The following ARID1B variants were observed in gnomAD, a reference collection of about 807,000 sequenced individuals.
The protein encoded by ARID1B is AT-rich interaction domain 1B.
Under a neutral mutation model 212.3 loss-of-function variants are expected in ARID1B, and 30 were observed. The observed-to-expected ratio is 0.14, with a 90% confidence interval of 0.11 to 0.19. The LOEUF (loss-of-function observed/expected upper bound fraction) is 0.19, where lower values mean the gene tolerates loss of function less well. Ranked by LOEUF, ARID1B falls within the 10% of genes least tolerant of loss-of-function variation. The pLI is 1.00. For synonymous variants in ARID1B, 1,402 were observed against 1,301.7 expected (o/e 1.08, Z -1.66); for missense variants, 2,891 against 3,204.0 (o/e 0.90, Z 2.36).
chr6:157,009,640 G>A (rs1779448348), intron 4 of ARID1B, among the ~76,000 whole-genome samples: 1 of 152,212 alleles, frequency 6.6e-6, no homozygotes, highest in Non-Finnish European at 1.5e-5. Flanking sequence ...GACGCAAAAT[G>A]CTCATCAATT....
chr6:157,039,764 C>T (rs1485098544), intron 4 of ARID1B, among the ~76,000 whole-genome samples: 1 of 93,738 alleles, frequency 1.1e-5, no homozygotes, highest in Non-Finnish European at 2.1e-5. Context: ...TTCCTACCTT[C>T]CTACCTACCT....
chr6:156,838,632 T>C (rs1783671885), intron 2 of ARID1B, among the ~76,000 whole-genome samples: 1 of 151,598 alleles, frequency 6.6e-6, no homozygotes, highest in African/African-American at 2.4e-5. Context: ...AGTTGATGGG[T>C]GCAGCAAACC....
intron 4 of ARID1B, among the ~76,000 whole-genome samples, chr6:157,038,907 A>C (rs1389465921): frequency 6.6e-6 from 1 of 151,200 alleles, no homozygotes; most frequent in East Asian, 1.9e-4. Flanking sequence ...TTGTAGCCTT[A>C]ACTTTTTTTT....
intron 4 of ARID1B, among the ~76,000 whole-genome samples, chr6:156,966,093 G>A (rs1208178443): frequency 6.6e-6 from 1 of 152,034 alleles, no homozygotes; most frequent in Non-Finnish European, 1.5e-5. Flanking sequence ...TCAATAAGTG[G>A]GACTGGCCTT....
intron 4 of ARID1B, among the ~76,000 whole-genome samples, chr6:156,971,046 T>A (rs1776886046): frequency 6.6e-6 from 1 of 152,234 alleles, no homozygotes; most frequent in Non-Finnish European, 1.5e-5. Flanking sequence ...TTCATCTTCA[T>A]CCTTCTTGAA....
At chr6:156,785,142 T>C (rs1779548659) in intron 1 of ARID1B, among the ~76,000 whole-genome samples, 1 of 152,232 alleles carries the variant, frequency 6.6e-6, no homozygotes, top group African/African-American at 2.4e-5. Flanking sequence ...ATTAGAAGGC[T>C]ACTGAGTTTG....
intron 4 of ARID1B, among the ~76,000 whole-genome samples, chr6:157,046,398 A>AG (rs1273459591): frequency 6.6e-6 from 1 of 152,186 alleles, no homozygotes; most frequent in Non-Finnish European, 1.5e-5. Flanking sequence ...AATATGGAAT[A>AG]GGATTTTTTT....
At chr6:157,098,748 A>G (rs1388098534) in intron 5 of ARID1B, among the ~76,000 whole-genome samples, 1 of 152,138 alleles carries the variant, frequency 6.6e-6, no homozygotes, top group Non-Finnish European at 1.5e-5. Context: ...CACAGTTTTT[A>G]TTCACCTCCC....
chr6:156,797,115 C>T (rs978138406), intron 1 of ARID1B, among the ~76,000 whole-genome samples: 22 of 152,144 alleles, frequency 1.4e-4, no homozygotes, highest in African/African-American at 5.3e-4. Flanking sequence ...ATAGCTGCTG[C>T]CGTCTACTCA....
chr6:157,045,023 A>C (rs147576923), intron 4 of ARID1B, among the ~76,000 whole-genome samples: 61 of 152,320 alleles, frequency 4.0e-4, no homozygotes, highest in African/African-American at 1.3e-3. Context: ...TTAAAAATTG[A>C]TTTAAACACT....
rs888117976 is a variant in ARID1B at position 157,066,328 on chromosome 6, G to A, written c.2248-18334G>A. ...AAAATTACAGAAAGGAAGAAAAGGT[G>A]TAGTTCAATTCTTTTCCATTTTGGT... is the stretch of plus-strand genomic sequence containing the variant. On this transcript the variant is annotated intron_variant, in intron 4 of 19. Coordinates refer to ENST00000636930, the MANE Select transcript of ARID1B (RefSeq NM_001374828.1). Among the ~76,000 whole-genome samples, 7 of 152,290 alleles carry A rather than the reference G, an allele frequency of 4.6e-5. No homozygotes were observed. The East Asian group carries it at 5.8e-4, about 13-fold the overall frequency.
Position 157,002,860 on chromosome 6 carries a change from A to C in ARID1B, c.2247+67284A>C, listed in dbSNP as rs151099362. On this transcript the variant is annotated intron_variant, in intron 4 of 19. Transcript: ENST00000636930. ...ACAGGATTATGTAGAAAACAGTGTTAATCTTTTCTTAAGTAAGAAGACATC... is the reference window on the plus strand; with the variant it reads ...ACAGGATTATGTAGAAAACAGTGTTCATCTTTTCTTAAGTAAGAAGACATC... Among the ~76,000 whole-genome samples, 7 of 152,354 alleles carry C rather than the reference A, an allele frequency of 4.6e-5. No individual in the cohort carries two copies. The East Asian group carries it at 1.4e-3, about 29-fold the overall frequency.
chr6:156,982,489 G>A (rs1250886390), intron 4 of ARID1B, among the ~76,000 whole-genome samples: 1 of 150,642 alleles, frequency 6.6e-6, no homozygotes, highest in African/African-American at 2.4e-5. Flanking sequence ...TTCATTTTGG[G>A]GCAATTATCT....
chr6:156,908,394 G>A (rs1789582285), intron 3 of ARID1B, among the ~76,000 whole-genome samples: 1 of 152,104 alleles, frequency 6.6e-6, no homozygotes, highest in South Asian at 2.1e-4. Context: ...CCAGAGTTAA[G>A]GCATTTTAAT....
chr6:157,076,155 A>C (rs552536975), intron 4 of ARID1B, among the ~76,000 whole-genome samples: 1 of 152,352 alleles, frequency 6.6e-6, no homozygotes, highest in East Asian at 1.9e-4. Flanking sequence ...AGGATGAAGA[A>C]CAAATACATT....
intron 3 of ARID1B, among the ~76,000 whole-genome samples, chr6:156,913,910 C>T (rs1472218056): frequency 6.6e-6 from 1 of 150,660 alleles, no homozygotes; most frequent in Non-Finnish European, 1.5e-5. Flanking sequence ...CCATCCCAGC[C>T]CCCGGTGATC....
intron 2 of ARID1B, chr6:156,871,624 A>G: frequency 6.2e-7 from 1 of 1,612,614 alleles, no homozygotes; most frequent in Non-Finnish European, 8.5e-7. Flanking sequence ...GACTCTGGAG[A>G]TGCCACATGG....
chr6:157,048,879 C>G (rs1782409505), intron 4 of ARID1B, among the ~76,000 whole-genome samples: 1 of 152,144 alleles, frequency 6.6e-6, no homozygotes, highest in African/African-American at 2.4e-5. Flanking sequence ...GTCACCAAGA[C>G]TTGCTACCTT....
rs2128385201 is a variant in ARID1B at position 157,203,857 on chromosome 6, C to T, written c.5264-9C>T. On this transcript the variant is annotated splice_polypyrimidine_tract_variant and intron_variant, in intron 18 of 19. Coordinates refer to ENST00000636930, the MANE Select transcript of ARID1B (RefSeq NM_001374828.1). The surrounding 1 kb of genome is among the most constrained non-coding windows in gnomAD (Gnocchi z 4.4). ...CATTCATGATATCCTTGTTCTTCCCCATCTTCAGTTACTCCTGAGGCGTGG... is the reference window on the plus strand; with the variant it reads ...CATTCATGATATCCTTGTTCTTCCCTATCTTCAGTTACTCCTGAGGCGTGG... The T allele has an allele frequency of 3.7e-6, 6 of 1,614,002 alleles. No homozygotes were observed. The highest frequency in any genetic ancestry group is 3.4e-6 in the Non-Finnish European group (4 of 1,179,894).
Sources: gnomAD v4.1 joint callset for allele counts (sites outside exome capture counted in the v4.1 genomes callset) on GRCh38, gnomAD v4.1.1 for gene constraint, Gnocchi (gnomAD v3.1) non-coding constraint, MANE v1.5 for transcripts, NCBI Gene and HGNC (gene_info 2026-07-23, HGNC 2026-07-21) for gene names.